MAPK10: variants seen among roughly 807,000 people sequenced by gnomAD.
MAPK10 encodes the protein mitogen-activated protein kinase 10, also known as JNK3 alpha protein kinase.
MAPK10 carries 25 observed loss-of-function variants against 59.3 expected under a neutral mutation model. That is an observed-to-expected ratio of 0.42 (90% CI 0.31 to 0.59). MAPK10 has a LOEUF of 0.59. Ranked by LOEUF, MAPK10 falls within the 20% of genes least tolerant of loss-of-function variation. The probability of loss-of-function intolerance (pLI) is 0.15; values close to 1 mark genes in which losing one functional copy is unlikely to be tolerated. For missense variants in MAPK10, 351 were observed against 568.9 expected (o/e 0.62, Z 3.90); for synonymous variants, 190 against 200.5 (o/e 0.95, Z 0.44).
At chr4:86,573,472 A>G (rs1360880634) in intron 1 of MAPK10, among the ~76,000 whole-genome samples, 1 of 152,120 alleles carries the variant, frequency 6.6e-6, no homozygotes, top group Non-Finnish European at 1.5e-5. Flanking sequence ...CTTACTCCCA[A>G]TACTACACTG....
intron 2 of MAPK10, among the ~76,000 whole-genome samples, chr4:86,261,837 C>T (rs750878140): frequency 3.9e-5 from 6 of 152,164 alleles, no homozygotes; most frequent in Non-Finnish European, 7.3e-5. Context: ...TCTTTCATAG[C>T]AAAGAGAAAG....
At chr4:86,515,901 G>T (rs1031765899) in intron 1 of MAPK10, among the ~76,000 whole-genome samples, 252 of 149,192 alleles carry the variant, frequency 1.7e-3, no homozygotes, top group African/African-American at 5.9e-3. Flanking sequence ...TTTTTGTTTT[G>T]TTTTTGTTTT....
chr4:86,396,110 C>T (rs1023238385), intron 1 of MAPK10, among the ~76,000 whole-genome samples: 5 of 152,166 alleles, frequency 3.3e-5, no homozygotes, highest in African/African-American at 9.6e-5. Context: ...CTTTGGGAGG[C>T]CGAGGCGGGT....
intron 9 of MAPK10, among the ~76,000 whole-genome samples, chr4:86,090,150 A>T (rs571909224): frequency 2.7e-4 from 41 of 151,960 alleles, no homozygotes; most frequent in African/African-American, 8.7e-4. Context: ...CTCTCTCTTG[A>T]GCTACACTTG....
chr4:86,512,051 T>C lies in MAPK10; in HGVS notation c.-263+81859A>G, dbSNP rs141892412. On this transcript the variant is annotated intron_variant, in intron 1 of 4. Transcript: ENST00000502302. ...AAGCAGAACAAAAATTACATGACAT[T>C]AAGTAACTGCTGAAGATAATGTTTT... is the stretch of plus-strand genomic sequence containing the variant. 2.0e-3 allele frequency among the ~76,000 whole-genome samples: 306 copies of C among 152,288 alleles called. 3 individuals are homozygous for C. The highest frequency in any genetic ancestry group is 6.8e-3 in the African/African-American group (282 of 41,566).
intron 2 of MAPK10, among the ~76,000 whole-genome samples, chr4:86,344,593 G>C (rs1727012502): frequency 6.6e-6 from 1 of 151,666 alleles, no homozygotes; most frequent in African/African-American, 2.4e-5. Flanking sequence ...AATATTCGTG[G>C]GAGGGAGGGA....
intron 1 of MAPK10, among the ~76,000 whole-genome samples, chr4:86,476,545 G>A (rs191199711): frequency 6.6e-6 from 1 of 152,168 alleles, no homozygotes; most frequent in Admixed American, 6.5e-5. Flanking sequence ...TAAAGCCCTA[G>A]ACCCTGAAAG....
At chr4:86,167,077 A>G (rs1237280078) in intron 3 of MAPK10, among the ~76,000 whole-genome samples, 1 of 152,248 alleles carries the variant, frequency 6.6e-6, no homozygotes, top group Admixed American at 6.5e-5. Flanking sequence ...AACTACCATC[A>G]GAGAATATTA....
chr4:86,159,412 T>C lies in MAPK10; in HGVS notation c.122A>G (p.Lys41Arg), dbSNP rs1429661883. 6.8e-6 allele frequency: 11 copies of C among 1,612,684 alleles called. No homozygotes were observed. The highest frequency in any genetic ancestry group is 1.7e-5 in the Admixed American group (1 of 59,882). ...SYIAKHYNMS[K>R]SKVDNQFYSV... ...GTAGAACTGGTTGTCAACTTTGCTT[T>C]TGCTCATGTTGTAATGTTTGGCAAT... The change falls in exon 4 of 14, where the codon AAA becomes AGA. Residue 41 changes from lysine (K) to arginine (R), a missense_variant. By Grantham distance (26) the Lys-to-Arg change is conservative (BLOSUM62 2). This residue lies in a region of MAPK10 where 61 missense variants were observed against 58.4 expected (regional missense o/e 1.05). Coordinates refer to ENST00000641462, the MANE Select transcript of MAPK10 (RefSeq NM_138982.4).
At chr4:86,331,427 C>A (rs965961072) in intron 2 of MAPK10, among the ~76,000 whole-genome samples, 3 of 152,110 alleles carry the variant, frequency 2.0e-5, no homozygotes, top group Non-Finnish European at 4.4e-5. Context: ...GATATATAGC[C>A]ATGTTCAAGT....
intron 2 of MAPK10, chr4:86,325,784 T>C (rs1345635814): frequency 6.6e-6 from 1 of 152,198 alleles, no homozygotes; most frequent in African/African-American, 2.4e-5. Flanking sequence ...GTAATACATA[T>C]GTGTTAGTAT....
chr4:86,201,040 C>T (rs957266591), intron 2 of MAPK10, among the ~76,000 whole-genome samples: 2 of 151,756 alleles, frequency 1.3e-5, no homozygotes, highest in Non-Finnish European at 2.9e-5. Flanking sequence ...CATCATTCTA[C>T]TCTATCTCCA....
At chr4:86,127,976 AGT>A (rs2060340556) in intron 4 of MAPK10, among the ~76,000 whole-genome samples, 1 of 152,042 alleles carries the variant, frequency 6.6e-6, no homozygotes. Flanking sequence ...ATTTTATTGT[AGT>A]GTTACTCAAA....
chr4:86,054,552 C>A (rs1442500711), intron 11 of MAPK10, among the ~76,000 whole-genome samples: 2 of 152,166 alleles, frequency 1.3e-5, no homozygotes, highest in African/African-American at 2.4e-5. Context: ...AATGGAATTA[C>A]AGACATTGAT....
intron 3 of MAPK10, chr4:86,192,981 T>C (rs1409279347): frequency 6.6e-6 from 1 of 152,216 alleles, no homozygotes; most frequent in African/African-American, 2.4e-5. Context: ...TTTTTGTTGA[T>C]GTTGATGCTA....
chr4:86,218,100 G>A (rs1310285072), intron 2 of MAPK10, among the ~76,000 whole-genome samples: 2 of 151,956 alleles, frequency 1.3e-5, no homozygotes, highest in Non-Finnish European at 2.9e-5. Context: ...ACTATACTGA[G>A]GACTTTGTGA....
intron 2 of MAPK10, among the ~76,000 whole-genome samples, chr4:86,334,279 T>C (rs1284566934): frequency 2.6e-5 from 4 of 152,152 alleles, no homozygotes; most frequent in African/African-American, 7.2e-5. Context: ...ACCTACCTCC[T>C]TACTGTTTTT....
intron 2 of MAPK10, among the ~76,000 whole-genome samples, chr4:86,251,412 G>C (rs886168825): frequency 1.3e-4 from 19 of 149,750 alleles, no homozygotes; most frequent in African/African-American, 4.4e-4. Flanking sequence ...ACCTATGAGT[G>C]AGAATATGCG....
At chr4:86,089,298 A>G (rs1304242402) in intron 9 of MAPK10, 1 of 1,502,246 alleles carries the variant, frequency 6.7e-7, no homozygotes, top group African/African-American at 1.4e-5. Context: ...AAATGAAATG[A>G]AGATAAACAA....
Sources: gnomAD v4.1 joint callset for allele counts (sites outside exome capture counted in the v4.1 genomes callset) on GRCh38, gnomAD v4.1.1 for gene constraint, gnomAD v4.1.1 regional missense constraint, MANE v1.5 for transcripts, NCBI Gene and HGNC (gene_info 2026-07-23, HGNC 2026-07-21) for gene names.